Variants in BRD4 observed in about 807,000 individuals in gnomAD.
The protein encoded by BRD4 is bromodomain containing 4.
A neutral mutation model predicts 142.1 loss-of-function variants in BRD4; 16 were observed. The ratio of observed to expected loss-of-function variants is 0.11; its 90% CI spans 0.08 to 0.17. The LOEUF is 0.17. BRD4 is among the 10% of genes least tolerant of loss of function. The pLI, the probability that BRD4 is intolerant of heterozygous loss-of-function variation, is 1.00. For missense variants in BRD4, 1,424 were observed against 1,810.9 expected (o/e 0.79, Z 3.88); for synonymous variants, 833 against 707.5 (o/e 1.18, Z -2.82).
chr19:15,247,416 T>TA, intron 11 of BRD4: 1 of 232,576 alleles, frequency 4.3e-6, no homozygotes, highest in Non-Finnish European at 8.5e-6. Context: ...AGCTTAAGTC[T>TA]AATGAGCTTT....
intron 11 of BRD4, chr19:15,253,785 T>A (rs766190927): frequency 6.3e-6 from 10 of 1,596,230 alleles, no homozygotes; most frequent in Non-Finnish European, 8.5e-6. Context: ...TGCAGAAAGC[T>A]GGGTGTGGTC....
intron 1 of BRD4, among the ~76,000 whole-genome samples, chr19:15,278,262 T>A (rs1280685851): frequency 6.6e-6 from 1 of 151,720 alleles, no homozygotes; most frequent in Non-Finnish European, 1.5e-5. Flanking sequence ...GGGCCAGGCA[T>A]GGCGGGCCAC....
At chr19:15,313,386 A>G (rs1346800306) in intron 1 of BRD4, among the ~76,000 whole-genome samples, 1 of 149,722 alleles carries the variant, frequency 6.7e-6, no homozygotes, top group Non-Finnish European at 1.5e-5. Flanking sequence ...AAAAAAAAAA[A>G]AAAAAAGGCC....
At chr19:15,261,003 G>T (rs1027342176) in intron 7 of BRD4, among the ~76,000 whole-genome samples, 1 of 152,178 alleles carries the variant, frequency 6.6e-6, no homozygotes, top group Non-Finnish European at 1.5e-5. Flanking sequence ...TGCTGGAAGA[G>T]AATTTGTTTC....
intron 1 of BRD4, among the ~76,000 whole-genome samples, chr19:15,277,789 CCAAAACAAAA>C (rs370368371): frequency 4.9e-4 from 73 of 149,528 alleles, no homozygotes; most frequent in South Asian, 6.5e-4. Context: ...GACTCCGTCT[CCAAAACAAAA>C]CAAAACAAAA....
rs994968951 is a variant in BRD4 at position 15,329,803 on chromosome 19, A to G, written c.-35+2487T>C. 2.0e-5 allele frequency among the ~76,000 whole-genome samples: 3 copies of G among 152,354 alleles called. No homozygotes were observed. The East Asian group carries it at 5.8e-4, about 29-fold the overall frequency. ...AAATCTGTAAATCTGAAGTCATTCAATAACCTGAATTGTGAAACAAGAAAA... is the reference window on the plus strand; with the variant it reads ...AAATCTGTAAATCTGAAGTCATTCAGTAACCTGAATTGTGAAACAAGAAAA... On this transcript the variant is annotated intron_variant, in intron 1 of 19. Transcript: ENST00000679869.
chr19:15,325,296 T>C (rs73508459), intron 1 of BRD4, among the ~76,000 whole-genome samples: 1 of 152,162 alleles, frequency 6.6e-6, no homozygotes, highest in Admixed American at 6.5e-5. Flanking sequence ...CGTACTGGTG[T>C]TATCAGTCTT....
chr19:15,264,802 AAGTGGCAGCCGGC>A, intron 5 of BRD4, 36 bp from the exon 6 acceptor site: 1 of 1,567,312 alleles, frequency 6.4e-7, no homozygotes, highest in Non-Finnish European at 8.7e-7. Context: ...GCACAGTCAG[AAGTGGCAGCCGGC>A]ACAGCTGCCC....
Position 15,239,329 on chromosome 19 carries a change from G to A in BRD4, c.3576+63C>T, listed in dbSNP as rs1328613231. ...GTGCCTAAAGGGCATAGCTGGGGGT[G>A]TGCCCAGCATGGCACCTTCCAGGGC... On this transcript the variant is annotated intron_variant, in intron 17 of 19. Coordinates refer to ENST00000679869, the MANE Select transcript of BRD4 (RefSeq NM_001379291.1). The surrounding 1 kb of genome is among the most constrained non-coding windows in gnomAD (Gnocchi z 7.4). 6.2e-7 allele frequency: 1 copy of A among 1,613,964 alleles called. No homozygotes were observed. Among genetic ancestry groups the A allele is most frequent in the Admixed American group, 1.7e-5 (1 of 60,000 alleles).
intron 1 of BRD4, chr19:15,331,846 C>G (rs868151173): frequency 6.8e-6 from 1 of 147,292 alleles, no homozygotes; most frequent in Non-Finnish European, 1.5e-5. Context: ...CCGGGCCGGG[C>G]GCGCCGCGGA....
Position 15,238,316 on chromosome 19 carries a change from T to C in BRD4, c.*61A>G, listed in dbSNP as rs199890538. On this transcript the variant is annotated 3_prime_UTR_variant, in exon 20 of 20. Transcript: ENST00000679869. This position sits in a 1 kb window ranked among gnomAD's most constrained non-coding sequence, Gnocchi z 7.2. Reference sequence around the variant, plus strand: ...CTGATCCCACCTCCACCACCGCCCCTAACACTATGGAAAGTCAATGTTTTG... The same window carrying C: ...CTGATCCCACCTCCACCACCGCCCCCAACACTATGGAAAGTCAATGTTTTG... 6.2e-7 allele frequency: 1 copy of C among 1,609,238 alleles called. No homozygotes were observed. The highest frequency in any genetic ancestry group is 1.3e-5 in the African/African-American group (1 of 74,952).
chr19:15,253,000 G>A (rs917239010), intron 11 of BRD4: 1 of 214,242 alleles, frequency 4.7e-6, no homozygotes, highest in South Asian at 1.7e-4. Context: ...GATTATTGAG[G>A]GTTAGCATTT....
chr19:15,312,861 G>A (rs1188522253), intron 1 of BRD4, among the ~76,000 whole-genome samples: 2 of 152,032 alleles, frequency 1.3e-5, no homozygotes, highest in South Asian at 2.1e-4. Flanking sequence ...CTTAGAAGCC[G>A]GGAGGCAGAA....
chr19:15,265,240 C>G, intron 5 of BRD4, 114 bp downstream of exon 5: 3 of 1,088,134 alleles, frequency 2.8e-6, no homozygotes, highest in Non-Finnish European at 3.8e-6. Context: ...CAAGATCTCC[C>G]CAGAAACACC....
chr19:15,270,309 G>A (rs906207011), intron 2 of BRD4, among the ~76,000 whole-genome samples: 4 of 152,206 alleles, frequency 2.6e-5, no homozygotes, highest in African/African-American at 7.2e-5. Flanking sequence ...ACGAGAAAGA[G>A]TCAAGGGCCA....
chr19:15,293,824 T>C (rs2047802574), intron 1 of BRD4, among the ~76,000 whole-genome samples: 1 of 152,234 alleles, frequency 6.6e-6, no homozygotes, highest in Non-Finnish European at 1.5e-5. Flanking sequence ...TTAATCCTCC[T>C]GCTCGTGGTA....
At chr19:15,259,213 G>A (rs1166590153) in intron 7 of BRD4, among the ~76,000 whole-genome samples, 1 of 152,234 alleles carries the variant, frequency 6.6e-6, no homozygotes, top group Non-Finnish European at 1.5e-5. Flanking sequence ...GCAGGAAGCA[G>A]GTTAGAGAAG....
intron 2 of BRD4, among the ~76,000 whole-genome samples, chr19:15,272,003 G>A (rs1366910626): frequency 7.0e-6 from 1 of 142,252 alleles, no homozygotes; most frequent in African/African-American, 2.9e-5. Flanking sequence ...GCACTTGCCA[G>A]GGGGTGTACA....
intron 1 of BRD4, among the ~76,000 whole-genome samples, chr19:15,314,254 A>AAT (rs1429095722): frequency 6.6e-6 from 1 of 152,208 alleles, no homozygotes; most frequent in African/African-American, 2.4e-5. Context: ...GAATGAATGA[A>AAT]ATGAAAGATG....
Sources: gnomAD v4.1 joint callset for allele counts (sites outside exome capture counted in the v4.1 genomes callset) on GRCh38, gnomAD v4.1.1 for gene constraint, Gnocchi (gnomAD v3.1) non-coding constraint, MANE v1.5 for transcripts, NCBI Gene and HGNC (gene_info 2026-07-23, HGNC 2026-07-21) for gene names.